LRRC71: variants seen among roughly 807,000 people sequenced by gnomAD.
LRRC71 encodes the protein leucine-rich repeat-containing protein 71.
LRRC71 carries 54 observed loss-of-function variants against 66.6 expected under a neutral mutation model. The ratio of observed to expected loss-of-function variants is 0.81; its 90% CI spans 0.65 to 1.02. LRRC71 has a LOEUF of 1.02. Among genes scored for constraint, LRRC71 ranks in the 50% least tolerant of loss-of-function variants. The pLI is 0.00. For missense variants in LRRC71, 724 were observed against 718.0 expected, an observed-to-expected ratio of 1.01 and a Z score of -0.10; for synonymous variants, 323 against 303.9, an observed-to-expected ratio of 1.06 and a Z score of -0.65.
rs1169751241 is a variant in LRRC71 at position 156,930,545 on chromosome 1, A to G, written c.1257A>G (p.Glu419=). The change falls in exon 12 of 15, where the codon GAA becomes GAG. Residue 419 remains glutamate (E), a synonymous_variant. Transcript: ENST00000337428. The part of the protein sequence containing the change: ...KAGKGKVTIP[E]QKPSRAKGIK... ...TGGCCCCAGAGGTAACCATCCCTGA[A>G]CAGAAGCCAAGCAGGGCAAAAGGGA... The G allele has an allele frequency of 6.4e-7, 1 of 1,565,236 alleles. No homozygotes were observed. The highest frequency in any genetic ancestry group is 1.4e-5 in the African/African-American group (1 of 73,726).
At chr1:156,938,356 G>A in the LRRC71 span, 7 of 1,508,794 alleles carry the variant, frequency 4.6e-6, no homozygotes, top group Admixed American at 1.7e-5. Flanking sequence ...GTCCGACTCT[G>A]CCCTCACAGG....
At position 156,927,568 on chromosome 1, in the gene LRRC71, C is replaced by T; in HGVS notation, c.735C>T (p.Ser245=). The change falls in exon 7 of 15, where the codon TCC becomes TCT. Residue 245 remains serine (S), a synonymous_variant. Transcript: ENST00000337428. ...CGCAACTCCTGGGCCAGGCGCTGTCCACGCTGCACAGCTGCAACCGGACCC... is the reference window on the plus strand; with the variant it reads ...CGCAACTCCTGGGCCAGGCGCTGTCTACGCTGCACAGCTGCAACCGGACCC... The part of the protein sequence containing the change: ...RGAQLLGQAL[S]TLHSCNRTLV... The T allele has an allele frequency of 6.3e-7, 1 of 1,587,904 alleles. No homozygotes were observed. The highest frequency in any genetic ancestry group is 8.6e-7 in the Non-Finnish European group (1 of 1,166,888).
In LRRC71 at chr1:156,932,972, C is replaced by G; in HGVS notation, c.*3C>G. 1 of 1,556,836 alleles carries G rather than the reference C, an allele frequency of 6.4e-7. No homozygotes were observed. The highest frequency in any genetic ancestry group is 1.8e-4 in the Middle Eastern group (1 of 5,466). ...AGGCCATGGCATTCTTCCCCTAGCC[C>G]CCTCCCACCTGCTTGCCTCTAAGAC... On this transcript the variant is annotated 3_prime_UTR_variant, in exon 15 of 15. Coordinates refer to ENST00000337428, the MANE Select transcript of LRRC71 (RefSeq NM_144702.3).
At position 156,932,444 on chromosome 1, in the gene LRRC71, G is replaced by A; in HGVS notation, c.1462G>A (p.Gly488Arg). The A allele has an allele frequency of 1.9e-6, 3 of 1,613,506 alleles. No homozygotes were observed. The highest frequency in any genetic ancestry group is 2.5e-6 in the Non-Finnish European group (3 of 1,179,830). ...ACCAGGGAACCGCATCACAGAGGTG[G>A]GGCTGGAGGGCTTCCTCGCCACGGT... ...NLIRNRITEV[G>R]LEGFLATVQY... The change falls in exon 14 of 15, where the codon GGG becomes AGG. Residue 488 changes from glycine (G) to arginine (R), a missense_variant. Transcript: ENST00000337428.
At chr1:156,924,394 T>A in intron 2 of LRRC71, 30 bp from the exon 3 acceptor site, 1 of 1,543,016 alleles carries the variant, frequency 6.5e-7, no homozygotes, top group Non-Finnish European at 8.7e-7. Context: ...GAGGTGGCTG[T>A]TCCCCTCCCT....
At chr1:156,931,741 A>G (rs921952260) in intron 12 of LRRC71, among the ~76,000 whole-genome samples, 175 bp from the exon 13 acceptor site, 1 of 150,792 alleles carries the variant, frequency 6.6e-6, no homozygotes, top group African/African-American at 2.5e-5. Context: ...TGGCTCCTCC[A>G]CACAAAGGAG....
the LRRC71 span, among the ~76,000 whole-genome samples, chr1:156,938,107 T>A: frequency 6.6e-6 from 1 of 152,130 alleles, no homozygotes; most frequent in African/African-American, 2.4e-5. Flanking sequence ...GCTGCTTGCA[T>A]ATCAGGTGAA....
At position 156,930,026 on chromosome 1, in the gene LRRC71, TTTTC is replaced by T. The variant is rs139716200; in HGVS notation, c.1240+301_1240+304del. 2.0e-3 allele frequency among the ~76,000 whole-genome samples: 241 copies of T among 117,700 alleles called. 1 individual carries two copies. The highest frequency in any genetic ancestry group is 5.0e-3 in the South Asian group (19 of 3,774). 77.2% of individuals were successfully genotyped at this position (117,700 alleles called of 152,430 possible). ...CTCCAGCCATTTCTTTTTTCTTTTCTTTTCTTTTTCTTTCTTTCTCTTTCTTTCT... is the reference window on the plus strand; with the variant it reads ...CTCCAGCCATTTCTTTTTTCTTTTCTTTTTTCTTTCTTTCTCTTTCTTTCT... On this transcript the variant is annotated intron_variant, in intron 11 of 14. Coordinates refer to ENST00000337428, the MANE Select transcript of LRRC71 (RefSeq NM_144702.3).
chr1:156,934,527 G>T (rs1654738705), downstream of LRRC71, among the ~76,000 whole-genome samples: 1 of 151,996 alleles, frequency 6.6e-6, no homozygotes, highest in East Asian at 1.9e-4. Context: ...ACACATATAT[G>T]TGTATATATA....
At chr1:156,936,579 T>C (rs1019165246), downstream of LRRC71, among the ~76,000 whole-genome samples, 6 of 148,646 alleles carry the variant, frequency 4.0e-5, no homozygotes, top group Non-Finnish European at 7.4e-5. Context: ...TCCTGGTTTG[T>C]TACCTCCATA....
the LRRC71 span, among the ~76,000 whole-genome samples, chr1:156,941,058 C>T: frequency 2.0e-5 from 3 of 152,092 alleles, no homozygotes; most frequent in Non-Finnish European, 4.4e-5. Flanking sequence ...CCAACAGTAA[C>T]CCCTGGCTGG....
At chr1:156,935,860 C>T (rs367828775), downstream of LRRC71, 43 of 966,648 alleles carry the variant, frequency 4.4e-5, no homozygotes, top group South Asian at 5.1e-4. Flanking sequence ...GGTCTCCCCC[C>T]GGGCCTTGGC....
Position 156,920,960 on chromosome 1 carries a change from C to G in LRRC71, c.157C>G (p.Pro53Ala). The change falls in exon 1 of 15, where the codon CCT becomes GCT. Residue 53 changes from proline to alanine, a missense_variant. Transcript: ENST00000337428. The surrounding 1 kb of genome is among the most constrained non-coding windows in gnomAD (Gnocchi z 4.9). Reference sequence around the variant, plus strand: ...CGTGGGGGAGGAGGAGCCCAAAAGCCCTGGTACGCTGGCGCCGGGGTTTGG... The same window carrying G: ...CGTGGGGGAGGAGGAGCCCAAAAGCGCTGGTACGCTGGCGCCGGGGTTTGG... ...PPVGEEEPKSPEEYQCSGVLE... is the reference protein window; with the variant it reads ...PPVGEEEPKSAEEYQCSGVLE... 6.6e-7 allele frequency: 1 copy of G among 1,504,566 alleles called. No homozygotes were observed. The highest frequency in any genetic ancestry group is 8.9e-7 in the Non-Finnish European group (1 of 1,123,426). The allele number at this position is 1,504,566 out of a possible 1,614,324, so 93.2% of individuals were successfully genotyped here.
Position 156,928,031 on chromosome 1 carries a change from A to C in LRRC71, c.996+27A>C, listed in dbSNP as rs200746569. 6.3e-4 allele frequency: 986 copies of C among 1,563,754 alleles called. 3 individuals carry two copies. The highest frequency in any genetic ancestry group is 1.2e-3 in the South Asian group (98 of 85,204). ...TGAGGAGCTACCAGGCCCCAGGACC[A>C]GCCGAGAGCCCCTCTGACCCTCGAG... On this transcript the variant is annotated intron_variant, in intron 9 of 14. Coordinates refer to ENST00000337428, the MANE Select transcript of LRRC71 (RefSeq NM_144702.3).
chr1:156,930,091 T>TTCTTTTCTTTCTTTCTTTC (rs1557793302), intron 11 of LRRC71, among the ~76,000 whole-genome samples: 78 of 96,828 alleles, frequency 8.1e-4, no homozygotes, highest in African/African-American at 3.2e-3. Context: ...CTTTCTTTCT[T>TTCTTTTCTTTCTTTCTTTC]TCTCTCTCTT....
chr1:156,930,343 T>G (rs566756650), intron 11 of LRRC71, among the ~76,000 whole-genome samples, 186 bp from the exon 12 acceptor site: 4 of 152,042 alleles, frequency 2.6e-5, no homozygotes, highest in Admixed American at 2.6e-4. Context: ...TCCTCCTGCT[T>G]CGGCCTCCCA....
intron 1 of LRRC71, 109 bp from the exon 2 acceptor site, chr1:156,923,840 T>G: frequency 8.5e-7 from 1 of 1,177,036 alleles, no homozygotes. Context: ...GCAAGTTGAA[T>G]GGCTGCAAAA....
Position 156,932,468 on chromosome 1 carries a change from G to A in LRRC71, c.1486G>A (p.Val496Met), listed in dbSNP as rs757547783. The A allele has an allele frequency of 4.3e-6, 7 of 1,613,802 alleles. No homozygotes were observed. The South Asian group carries it at 5.5e-5, about 13-fold the overall frequency. The stretch of plus-strand genomic sequence containing the variant: ...GGGGCTGGAGGGCTTCCTCGCCACG[G>A]TGCAGTATCAGATGCAGTTCTCCAA... ...EVGLEGFLATVQYQMQFSKAK... is the reference protein window; with the variant it reads ...EVGLEGFLATMQYQMQFSKAK... The change falls in exon 14 of 15, where the codon GTG (valine) becomes ATG (methionine). Residue 496 changes from valine (V) to methionine (M), a missense_variant. Transcript: ENST00000337428.
At chr1:156,924,254 C>G (rs1652843874) in intron 2 of LRRC71, among the ~76,000 whole-genome samples, 156 bp downstream of exon 2, 2 of 152,106 alleles carry the variant, frequency 1.3e-5, no homozygotes, top group African/African-American at 4.8e-5. Context: ...GGGAGTCTCC[C>G]GTCTTCCTTT....
Sources: allele counts gnomAD v4.1 joint callset (sites outside exome capture counted in the v4.1 genomes callset), GRCh38; gene constraint gnomAD v4.1.1; non-coding constraint Gnocchi (gnomAD v3.1); transcripts MANE v1.5; gene names NCBI Gene and HGNC (gene_info 2026-07-23, HGNC 2026-07-21).